GRK4: variants seen among roughly 807,000 people sequenced by gnomAD.
GRK4 encodes G protein-coupled receptor kinase 4.
In GRK4, 73 loss-of-function variants were observed where a neutral mutation model predicts 77.9. The ratio of observed to expected loss-of-function variants is 0.94; its 90% confidence interval spans 0.78 to 1.14. GRK4 has a LOEUF of 1.14. Ranked by LOEUF, GRK4 falls within the 50% of genes most tolerant of loss-of-function variation. GRK4 has a pLI of 0.00. For missense variants in GRK4, 729 were observed against 700.2 expected (o/e 1.04, Z -0.46); for synonymous variants, 257 against 254.4 (o/e 1.01, Z -0.10).
At chr4:3,003,245 A>G (rs1442899068) in intron 4 of GRK4, among the ~76,000 whole-genome samples, 1 of 152,200 alleles carries the variant, frequency 6.6e-6, no homozygotes, top group African/African-American at 2.4e-5. Flanking sequence ...GCTGGAGGGC[A>G]GTGGCACAAT....
At position 2,972,822 on chromosome 4, in the gene GRK4, C is replaced by T. The variant is rs533236502; in HGVS notation, c.52+8700C>T. On this transcript the variant is annotated intron_variant, in intron 1 of 15. Transcript: ENST00000398052. ...TGATCTCGGTTCTCTGCAGTCTCCA[C>T]CTCCCGGGCTCAAGCAGCTCTCCTG... 3.9e-5 allele frequency among the ~76,000 whole-genome samples: 6 copies of T among 152,232 alleles called. No homozygotes were observed. The East Asian group carries it at 1.2e-3, about 29-fold the overall frequency.
intron 10 of GRK4, 130 bp from the exon 11 acceptor site, chr4:3,027,782 A>C (rs529210895): frequency 4.0e-5 from 26 of 643,820 alleles, no homozygotes; most frequent in Non-Finnish European, 6.3e-5. Context: ...TTTTACGTTT[A>C]CTGTTCCAGA....
chr4:2,968,110 ATT>A (rs1055408742), intron 1 of GRK4, among the ~76,000 whole-genome samples: 9 of 151,090 alleles, frequency 6.0e-5, no homozygotes, highest in Non-Finnish European at 7.4e-5. Context: ...TTTTTTTTTA[ATT>A]TAGGATTTTT....
At chr4:2,995,271 T>TA (rs1459832677) in intron 4 of GRK4, among the ~76,000 whole-genome samples, 4 of 152,138 alleles carry the variant, frequency 2.6e-5, no homozygotes, top group African/African-American at 9.7e-5. Flanking sequence ...GGGTAATTTA[T>TA]AATAAAAAGA....
intron 8 of GRK4, among the ~76,000 whole-genome samples, chr4:3,017,982 G>T (rs972349259): frequency 1.3e-4 from 19 of 151,626 alleles, no homozygotes; most frequent in Non-Finnish European, 1.0e-4. Context: ...GTGCAGTAAG[G>T]TAAAGGAAAA....
chr4:3,019,578 T>C (rs1735500904), intron 8 of GRK4, 63 bp from the exon 9 acceptor site: 1 of 1,286,958 alleles, frequency 7.8e-7, no homozygotes, highest in Non-Finnish European at 1.1e-6. Context: ...TATTAGCAAA[T>C]AGAGGAAATC....
intron 1 of GRK4, among the ~76,000 whole-genome samples, chr4:2,976,751 C>T (rs1047747587): frequency 2.6e-5 from 4 of 151,754 alleles, no homozygotes; most frequent in South Asian, 2.1e-4. Context: ...GTGATTCTCC[C>T]GCCTCAGCCT....
At position 2,988,719 on chromosome 4, in the gene GRK4, T is replaced by G. The variant is rs1201510803; in HGVS notation, c.149-8T>G. The G allele has an allele frequency of 2.0e-6, 3 of 1,512,510 alleles. No individual in the cohort carries two copies. The highest frequency in any genetic ancestry group is 2.8e-6 in the Non-Finnish European group (3 of 1,087,476). 93.7% of individuals were successfully genotyped at this position (1,512,510 alleles called of 1,614,324 possible). ...TTTGTTTGCTTCTTATCCCTTTGCT[T>G]CACCCAGAAAAGGATTATAGCAGTC... On this transcript the variant is annotated splice_polypyrimidine_tract_variant and splice_region_variant and intron_variant, in intron 2 of 15. Coordinates refer to ENST00000398052, the MANE Select transcript of GRK4 (RefSeq NM_182982.3).
At chr4:3,038,563 A>AC (rs752907548) in intron 15 of GRK4, 50 bp downstream of exon 15, 10 of 1,560,686 alleles carry the variant, frequency 6.4e-6, no homozygotes, top group South Asian at 6.0e-5. Context: ...AAAAAAAAAA[A>AC]AACATACTGA....
intron 9 of GRK4, among the ~76,000 whole-genome samples, chr4:3,021,863 C>G (rs771727734): frequency 1.2e-4 from 18 of 152,190 alleles, no homozygotes; most frequent in Non-Finnish European, 1.6e-4. Context: ...CTTGCCTCAC[C>G]CGCCTGCACT....
chr4:2,969,000 G>A (rs957871817), intron 1 of GRK4, among the ~76,000 whole-genome samples: 8 of 152,086 alleles, frequency 5.3e-5, no homozygotes, highest in South Asian at 2.1e-4. Flanking sequence ...GACATACACC[G>A]TGGGGGAGAA....
chr4:3,016,055 C>CTCG (rs1734396437), intron 8 of GRK4, among the ~76,000 whole-genome samples: 1 of 151,066 alleles, frequency 6.6e-6, no homozygotes, highest in Admixed American at 6.6e-5. Flanking sequence ...TTTACAGGTG[C>CTCG]CCACCACCAC....
At chr4:2,999,498 A>T (rs1287655304) in intron 4 of GRK4, among the ~76,000 whole-genome samples, 1 of 152,238 alleles carries the variant, frequency 6.6e-6, no homozygotes, top group Non-Finnish European at 1.5e-5. Context: ...TAATTGCCTT[A>T]TCACAAGGAT....
At chr4:3,033,876 C>A (rs557433010) in intron 12 of GRK4, among the ~76,000 whole-genome samples, 2 of 152,286 alleles carry the variant, frequency 1.3e-5, no homozygotes, top group South Asian at 4.1e-4. Context: ...TGAGCCACTG[C>A]GCCCGGTCTT....
At position 2,964,049 on chromosome 4, in the gene GRK4, C is replaced by CCGG. The variant is rs574844470; in HGVS notation, c.-10_-8dup. The stretch of plus-strand genomic sequence containing the variant: ...AGTCTCCTCGGTCTCGCAGAATCCG[C>CCGG]CGGCGGCGGCGGCGCCAGGACATGG... On this transcript the variant is annotated 5_prime_UTR_variant, in exon 1 of 16. Transcript: ENST00000398052. The CCGG allele has an allele frequency of 1.1e-3, 1,822 of 1,602,598 alleles. 7 individuals are homozygous for CCGG. The East Asian group carries it at 0.014, about 12-fold the overall frequency.
intron 4 of GRK4, among the ~76,000 whole-genome samples, chr4:2,998,609 T>C (rs1251266398): frequency 6.6e-6 from 1 of 152,104 alleles, no homozygotes; most frequent in African/African-American, 2.4e-5. Flanking sequence ...CAATTCCCTT[T>C]GTATAGTATC....
At chr4:2,969,676 CT>C (rs11367430) in intron 1 of GRK4, among the ~76,000 whole-genome samples, 54,382 of 147,422 alleles carry the variant, frequency 0.37, 10,182 homozygotes, top group African/African-American at 0.45. Flanking sequence ...GGTGCCCAGC[CT>C]TTTTTTTTTT....
chr4:2,989,475 A>G (rs1244654414), intron 3 of GRK4, among the ~76,000 whole-genome samples: 4 of 152,052 alleles, frequency 2.6e-5, no homozygotes, highest in African/African-American at 4.8e-5. Flanking sequence ...CTGCAGTGGC[A>G]TGATCTTGGC....
chr4:3,039,333 T>G (rs887288063), intron 15 of GRK4, among the ~76,000 whole-genome samples: 2 of 152,192 alleles, frequency 1.3e-5, no homozygotes, highest in African/African-American at 4.8e-5. Context: ...CCATCCTACT[T>G]TGCACCCTGT....
Sources: gnomAD v4.1 joint callset for allele counts (sites outside exome capture counted in the v4.1 genomes callset) on GRCh38, gnomAD v4.1.1 for gene constraint, MANE v1.5 for transcripts, NCBI Gene and HGNC (gene_info 2026-07-23, HGNC 2026-07-21) for gene names.